EEFSEC: variants seen among roughly 807,000 people sequenced by gnomAD.
EEFSEC encodes selenocysteine-specific elongation factor.
Under a neutral mutation model 42.1 loss-of-function variants are expected in EEFSEC, and 43 were observed. The ratio of observed to expected loss-of-function variants is 1.02; its 90% CI spans 0.80 to 1.32. The LOEUF (loss-of-function observed/expected upper bound fraction) is 1.32. Ranked by LOEUF, EEFSEC falls within the 40% of genes most tolerant of loss-of-function variation. The pLI, the probability that EEFSEC is intolerant of heterozygous loss-of-function variation, is 0.00. For synonymous variants in EEFSEC, 354 were observed against 339.1 expected (o/e 1.04, Z -0.48); for missense variants, 745 against 803.6 (o/e 0.93, Z 0.88).
chr3:128,309,852 T>TC (rs977161669), intron 4 of EEFSEC, among the ~76,000 whole-genome samples: 7 of 152,314 alleles, frequency 4.6e-5, no homozygotes, highest in Admixed American at 2.6e-4. Context: ...GCCTCAGAGT[T>TC]CCCCACTCTC....
intron 4 of EEFSEC, among the ~76,000 whole-genome samples, chr3:128,325,991 G>A (rs1461460348): frequency 6.6e-6 from 1 of 152,204 alleles, no homozygotes; most frequent in Non-Finnish European, 1.5e-5. Flanking sequence ...GTTTCCCTGA[G>A]GTGGAATTCT....
chr3:128,309,459 T>G (rs1341962411), intron 4 of EEFSEC, among the ~76,000 whole-genome samples: 1 of 152,228 alleles, frequency 6.6e-6, no homozygotes, highest in Non-Finnish European at 1.5e-5. Flanking sequence ...TGCTGTCTGC[T>G]GAACGCTTAC....
chr3:128,330,370 G>A (rs561938485), intron 4 of EEFSEC, among the ~76,000 whole-genome samples: 1 of 152,302 alleles, frequency 6.6e-6, no homozygotes, highest in Non-Finnish European at 1.5e-5. Context: ...CAGGCACTGT[G>A]CTGAGGATCG....
At chr3:128,420,494 G>A in the EEFSEC span, among the ~76,000 whole-genome samples, 1 of 152,174 alleles carries the variant, frequency 6.6e-6, no homozygotes, top group African/African-American at 2.4e-5. Flanking sequence ...AGAGGTGTGG[G>A]CGCCCTGCTC....
the EEFSEC span, among the ~76,000 whole-genome samples, chr3:128,416,639 T>C: frequency 1.3e-5 from 2 of 152,110 alleles, no homozygotes; most frequent in Non-Finnish European, 2.9e-5. Flanking sequence ...GGGTGTGTCC[T>C]TGTGGAAGGG....
chr3:128,361,125 T>G (rs952267567), intron 6 of EEFSEC, among the ~76,000 whole-genome samples: 2 of 152,124 alleles, frequency 1.3e-5, no homozygotes, highest in Non-Finnish European at 2.9e-5. Flanking sequence ...TGGGTTCAGA[T>G]GCACTTCATG....
intron 1 of EEFSEC, among the ~76,000 whole-genome samples, chr3:128,179,926 G>C (rs2065388034): frequency 6.6e-6 from 1 of 152,018 alleles, no homozygotes; most frequent in Non-Finnish European, 1.5e-5. Flanking sequence ...TACTTTTTTG[G>C]AGGTAGATAA....
chr3:128,208,277 C>T (rs1192417605), intron 1 of EEFSEC, among the ~76,000 whole-genome samples: 1 of 152,220 alleles, frequency 6.6e-6, no homozygotes, highest in African/African-American at 2.4e-5. Context: ...TTGCGGATTT[C>T]ACTCTAACAG....
chr3:128,192,349 G>T (rs1197342567), intron 1 of EEFSEC, among the ~76,000 whole-genome samples: 1 of 152,174 alleles, frequency 6.6e-6, no homozygotes, highest in Non-Finnish European at 1.5e-5. Context: ...TTCTCTGCGT[G>T]CTTAGAGACC....
intron 4 of EEFSEC, among the ~76,000 whole-genome samples, chr3:128,299,555 A>G (rs934477486): frequency 6.6e-6 from 1 of 152,216 alleles, no homozygotes; most frequent in African/African-American, 2.4e-5. Flanking sequence ...GCATGTGCTC[A>G]GGAACTACTT....
intron 4 of EEFSEC, among the ~76,000 whole-genome samples, chr3:128,316,259 AGAGCATGCTCTGTGTT>A (rs1410894197): frequency 1.3e-5 from 2 of 152,258 alleles, no homozygotes; most frequent in Admixed American, 6.5e-5. Context: ...GCCAGTGTTA[AGAGCATGCTCTGTGTT>A]CTTTCACCCT....
chr3:128,347,394 A>AC (rs2067325315), intron 5 of EEFSEC, among the ~76,000 whole-genome samples: 1 of 152,224 alleles, frequency 6.6e-6, no homozygotes, highest in African/African-American at 2.4e-5. Context: ...AGGAAAGACT[A>AC]CTAGAGCATA....
At chr3:128,229,192 A>G (rs571845481) in intron 1 of EEFSEC, among the ~76,000 whole-genome samples, 2 of 152,328 alleles carry the variant, frequency 1.3e-5, no homozygotes, top group African/African-American at 4.8e-5. Context: ...TTTACACAGC[A>G]TATGTATACT....
At chr3:128,400,337 C>G (rs1284168087) in intron 6 of EEFSEC, among the ~76,000 whole-genome samples, 3 of 152,190 alleles carry the variant, frequency 2.0e-5, no homozygotes, top group Non-Finnish European at 4.4e-5. Flanking sequence ...GGTGGCCTTG[C>G]TAGGCAGCCC....
intron 4 of EEFSEC, among the ~76,000 whole-genome samples, chr3:128,281,492 G>C (rs2066525388): frequency 6.6e-6 from 1 of 152,180 alleles, no homozygotes; most frequent in African/African-American, 2.4e-5. Context: ...GGGTAAGTTG[G>C]GGATGGGGTG....
At chr3:128,404,821 G>A in intron 6 of EEFSEC, among the ~76,000 whole-genome samples, 1 of 152,168 alleles carries the variant, frequency 6.6e-6, no homozygotes, top group Middle Eastern at 3.2e-3. Flanking sequence ...TGTCCCTCAG[G>A]CAGGCGTGCA....
chr3:128,222,025 G>GTTTTTTTT (rs60162922), intron 1 of EEFSEC, among the ~76,000 whole-genome samples: 3 of 96,364 alleles, frequency 3.1e-5, no homozygotes, highest in Non-Finnish European at 5.8e-5. Context: ...TTTTTTCAAA[G>GTTTTTTTT]TTTTTTTTTT....
At chr3:128,384,067 T>C (rs2107617062) in intron 6 of EEFSEC, among the ~76,000 whole-genome samples, 1 of 152,334 alleles carries the variant, frequency 6.6e-6, no homozygotes, top group East Asian at 1.9e-4. Context: ...TAGTTCTTTT[T>C]GATCTTTGTG....
intron 4 of EEFSEC, among the ~76,000 whole-genome samples, chr3:128,325,657 G>A (rs939169761): frequency 3.3e-5 from 5 of 152,106 alleles, no homozygotes; most frequent in African/African-American, 1.2e-4. Context: ...ATGTATGAAA[G>A]CAATGTGTGA....
Sources: gnomAD v4.1 joint callset for allele counts (sites outside exome capture counted in the v4.1 genomes callset) on GRCh38, gnomAD v4.1.1 for gene constraint, MANE v1.5 for transcripts, NCBI Gene and HGNC (gene_info 2026-07-23, HGNC 2026-07-21) for gene names.